The following RBKS variants were observed in gnomAD, a reference collection of about 807,000 sequenced individuals.
RBKS encodes ribokinase.
Under a neutral mutation model 33.9 loss-of-function variants are expected in RBKS, and 33 were observed. That is an observed-to-expected ratio of 0.97 (90% CI 0.74 to 1.30). RBKS has a LOEUF of 1.30. Among genes scored for constraint, RBKS ranks in the 50% most tolerant of loss-of-function variants. The pLI is 0.00. For missense variants in RBKS, 361 were observed against 392.6 expected (o/e 0.92, Z 0.68); for synonymous variants, 125 against 143.0 (o/e 0.87, Z 0.90).
chr2:27,801,963 A>AAAT lies in RBKS; in HGVS notation c.796-20176_796-20175insATT, dbSNP rs1308232858. Among the ~76,000 whole-genome samples the AAAT allele has an allele frequency of 6.3e-3, 298 of 47,576 alleles. 7 individuals are homozygous for AAAT. The highest frequency in any genetic ancestry group is 0.028 in the Middle Eastern group (1 of 36). The allele number at this position is 47,576 out of a possible 152,430, so 31.2% of individuals were successfully genotyped here. A position where few individuals can be genotyped will look rare whatever the true frequency, so the allele number is the denominator to read the frequency against. On this transcript the variant is annotated intron_variant, in intron 7 of 7. Coordinates refer to ENST00000302188, the MANE Select transcript of RBKS (RefSeq NM_022128.3). ...CGAGTAGCTGGGGAAAAAAAAAAAA[A>AAAT]ATATATATATATATATATATATATA... is the stretch of plus-strand genomic sequence containing the variant.
chr2:27,890,211 G>A lies in RBKS; in HGVS notation c.89+46C>T, dbSNP rs1482405702. The A allele has an allele frequency of 6.3e-7, 1 of 1,574,814 alleles. No homozygotes were observed. Among genetic ancestry groups the A allele is most frequent in the East Asian group, 2.3e-5 (1 of 44,400 alleles). Reference sequence around the variant, plus strand: ...CCACTGGGCGCATAGCGCACGGCACGCCTCCTCCCCCGAGCCGCAGACTGA... The same window carrying A: ...CCACTGGGCGCATAGCGCACGGCACACCTCCTCCCCCGAGCCGCAGACTGA... On this transcript the variant is annotated intron_variant, in intron 1 of 7. Coordinates refer to ENST00000302188, the MANE Select transcript of RBKS (RefSeq NM_022128.3). The surrounding 1 kb of genome is among the most constrained non-coding windows in gnomAD (Gnocchi z 4.8).
chr2:27,822,014 C>T (rs564431417), intron 7 of RBKS, among the ~76,000 whole-genome samples: 20 of 152,132 alleles, frequency 1.3e-4, no homozygotes. Flanking sequence ...GCTTTTGAGC[C>T]ATAAATCCCC....
At chr2:27,840,432 G>A (rs1175386978) in intron 5 of RBKS, among the ~76,000 whole-genome samples, 5 of 150,450 alleles carry the variant, frequency 3.3e-5, no homozygotes, top group Non-Finnish European at 5.9e-5. Flanking sequence ...GCATCTGGCC[G>A]GTATCTACCA....
chr2:27,798,840 A>G (rs1431300294), intron 7 of RBKS, among the ~76,000 whole-genome samples: 1 of 152,108 alleles, frequency 6.6e-6, no homozygotes, highest in Non-Finnish European at 1.5e-5. Flanking sequence ...TCCTATACTC[A>G]TTTTTGGAGA....
At chr2:27,797,655 A>C (rs1051325483) in intron 7 of RBKS, among the ~76,000 whole-genome samples, 5 of 152,142 alleles carry the variant, frequency 3.3e-5, no homozygotes, top group Admixed American at 1.3e-4. Flanking sequence ...GCTCCACTGC[A>C]TGGGGGGTCC....
intron 4 of RBKS, 91 bp from the exon 5 acceptor site, chr2:27,843,322 G>A (rs186157466): frequency 5.6e-4 from 529 of 946,838 alleles, no homozygotes; most frequent in Non-Finnish European, 7.3e-4. Context: ...CCCTTGTAAA[G>A]TCATTATACA....
intron 1 of RBKS, among the ~76,000 whole-genome samples, chr2:27,865,606 T>G (rs1416300081): frequency 8.0e-6 from 1 of 125,406 alleles, no homozygotes; most frequent in Non-Finnish European, 1.6e-5. Flanking sequence ...TAGAGACAAA[T>G]CTCAGTAAGT....
At chr2:27,782,765 TTTAA>T (rs530726735) in intron 7 of RBKS, 153 of 311,976 alleles carry the variant, frequency 4.9e-4, no homozygotes, top group African/African-American at 3.0e-3. Context: ...TCTTTGTTTC[TTTAA>T]TTTTAATTTT....
intron 7 of RBKS, among the ~76,000 whole-genome samples, chr2:27,806,989 C>A (rs1677909554): frequency 6.6e-6 from 1 of 152,050 alleles, no homozygotes; most frequent in Non-Finnish European, 1.5e-5. Context: ...TTGTTTAAAG[C>A]CAAGTCTAAT....
intron 7 of RBKS, among the ~76,000 whole-genome samples, chr2:27,803,720 G>C (rs1379521109): frequency 2.0e-5 from 3 of 149,434 alleles, no homozygotes; most frequent in Non-Finnish European, 4.4e-5. Context: ...AAAAGTCTGA[G>C]ATAATCCATT....
intron 7 of RBKS, among the ~76,000 whole-genome samples, chr2:27,801,464 TACACACACACAC>T (rs56063622): frequency 2.3e-4 from 32 of 136,260 alleles, no homozygotes; most frequent in Admixed American, 2.9e-4. Flanking sequence ...GGCCACAGTA[TACACACACACAC>T]ACACACACAC....
chr2:27,865,414 C>T (rs1386400351), intron 1 of RBKS, among the ~76,000 whole-genome samples: 4 of 152,184 alleles, frequency 2.6e-5, no homozygotes, highest in Non-Finnish European at 5.9e-5. Flanking sequence ...TGAAAACATT[C>T]ATGAAGCATT....
At position 27,802,899 on chromosome 2, in the gene RBKS, G is replaced by A. The variant is rs563285438; in HGVS notation, c.796-21111C>T. Among the ~76,000 whole-genome samples the A allele has an allele frequency of 5.9e-5, 9 of 152,288 alleles. No individual in the cohort carries two copies. The East Asian group carries it at 1.5e-3, about 26-fold the overall frequency. On this transcript the variant is annotated intron_variant, in intron 7 of 7. Coordinates refer to ENST00000302188, the MANE Select transcript of RBKS (RefSeq NM_022128.3). ...CTCCCCTATGCAGACAGGACTGAGC[G>A]GTCTGTTTGTGAACATGCCATTAGG...
At chr2:27,782,750 T>C in intron 7 of RBKS, 1 of 340,414 alleles carries the variant, frequency 2.9e-6, no homozygotes, top group Non-Finnish European at 6.4e-6. Context: ...TTTTTCATGT[T>C]GTACTCTTTG....
Position 27,886,991 on chromosome 2 carries a change from C to T in RBKS, c.89+3266G>A, listed in dbSNP as rs372168773. 2.7e-4 allele frequency among the ~76,000 whole-genome samples: 41 copies of T among 152,302 alleles called. 1 individual carries two copies. The highest frequency in any genetic ancestry group is 9.6e-4 in the African/African-American group (40 of 41,576). ...TAGCAAAAATAACATACTCTCTGCT[C>T]CCCTCTCCCAAAGTATGTCCACATC... On this transcript the variant is annotated intron_variant, in intron 1 of 7. Transcript: ENST00000302188.
At position 27,849,248 on chromosome 2, in the gene RBKS, T is replaced by G. The variant is rs547019489; in HGVS notation, c.223-1151A>C. ...AAGCTATTTTGAATTGGGTGTCTAT[T>G]GTCTGTTATTAACAAAGTCCTGACT... On this transcript the variant is annotated intron_variant, in intron 2 of 7. Coordinates refer to ENST00000302188, the MANE Select transcript of RBKS (RefSeq NM_022128.3). Among the ~76,000 whole-genome samples, 7 of 152,002 alleles carry G rather than the reference T, an allele frequency of 4.6e-5. No homozygotes were observed. In the South Asian group the frequency reaches 1.5e-3, roughly 32 times the overall value.
chr2:27,824,995 G>C (rs894129430), intron 7 of RBKS, among the ~76,000 whole-genome samples: 3 of 152,110 alleles, frequency 2.0e-5, no homozygotes, highest in Non-Finnish European at 4.4e-5. Context: ...AAATTAGCCA[G>C]GCATGGTGGC....
At chr2:27,822,162 C>T (rs901901099) in intron 7 of RBKS, among the ~76,000 whole-genome samples, 1 of 152,186 alleles carries the variant, frequency 6.6e-6, no homozygotes, top group African/African-American at 2.4e-5. Context: ...AGTACCCATG[C>T]AAGAACTGCT....
intron 1 of RBKS, among the ~76,000 whole-genome samples, chr2:27,860,618 C>A (rs1195540297): frequency 6.6e-6 from 1 of 152,098 alleles, no homozygotes; most frequent in African/African-American, 2.4e-5. Flanking sequence ...GGGGGAAGGG[C>A]AAAATCATGG....
Sources: gnomAD v4.1 joint callset for allele counts (sites outside exome capture counted in the v4.1 genomes callset) on GRCh38, gnomAD v4.1.1 for gene constraint, Gnocchi (gnomAD v3.1) non-coding constraint, MANE v1.5 for transcripts, NCBI Gene and HGNC (gene_info 2026-07-23, HGNC 2026-07-21) for gene names.